The following ANKRD31 variants were observed in gnomAD, a reference collection of about 807,000 sequenced individuals.
The protein encoded by ANKRD31 is ankyrin repeat domain 31.
Under a neutral mutation model 186.0 loss-of-function variants are expected in ANKRD31, and 147 were observed. That is an observed-to-expected ratio of 0.79 (90% CI 0.69 to 0.91). The LOEUF is 0.91. ANKRD31 is among the 40% of genes least tolerant of loss of function. ANKRD31 has a pLI of 0.00. For missense variants in ANKRD31, 1,986 were observed against 2,148.8 expected, an observed-to-expected ratio of 0.92 and a Z score of 1.50; for synonymous variants, 673 against 736.4, an observed-to-expected ratio of 0.91 and a Z score of 1.39.
Position 75,116,700 on chromosome 5 carries a change from GA to G in ANKRD31, c.4040-20del, listed in dbSNP as rs1180948694. The G allele has an allele frequency of 7.5e-7, 1 of 1,336,354 alleles. No homozygotes were observed. Among genetic ancestry groups the G allele is most frequent in the Non-Finnish European group, 9.8e-7 (1 of 1,015,452 alleles). The allele number at this position is 1,336,354 out of a possible 1,614,324, so 82.8% of individuals were successfully genotyped here. A position where few individuals can be genotyped will look rare whatever the true frequency, so the allele number is the denominator to read the frequency against. ...ATTTTTTCTTTAAAAAGTAAAATTA[GA>G]AAATATAATAAGAATGTGCAAAAAT... is the stretch of plus-strand genomic sequence containing the variant. On this transcript the variant is annotated intron_variant, in intron 18 of 25. Coordinates refer to ENST00000506364, the MANE Select transcript of ANKRD31 (RefSeq NM_001372053.1).
chr5:75,149,989 C>A (rs1400195746), intron 12 of ANKRD31, among the ~76,000 whole-genome samples: 1 of 151,706 alleles, frequency 6.6e-6, no homozygotes, highest in Non-Finnish European at 1.5e-5. Flanking sequence ...AACTTAATAC[C>A]CAGGTATAAA....
intron 10 of ANKRD31, among the ~76,000 whole-genome samples, chr5:75,173,799 T>C (rs150564148): frequency 0.037 from 5,579 of 152,130 alleles, 330 homozygotes; most frequent in African/African-American, 0.13. Flanking sequence ...AAAATGGCCA[T>C]ACTGCCCAAG....
intron 25 of ANKRD31, among the ~76,000 whole-genome samples, chr5:75,071,426 C>T (rs931590390): frequency 7.9e-5 from 12 of 151,318 alleles, no homozygotes; most frequent in Non-Finnish European, 1.6e-4. Context: ...TATGAAACTG[C>T]CAGCAAAATC....
At chr5:75,177,929 G>T (rs966355069) in intron 10 of ANKRD31, among the ~76,000 whole-genome samples, 1 of 151,984 alleles carries the variant, frequency 6.6e-6, no homozygotes, top group African/African-American at 2.4e-5. Flanking sequence ...ATTAAAAGGC[G>T]CAGACTGGCA....
chr5:75,163,395 A>G (rs965735), intron 11 of ANKRD31, among the ~76,000 whole-genome samples: 77,305 of 152,098 alleles, frequency 0.51, 22,710 homozygotes, highest in African/African-American at 0.82. Flanking sequence ...GGTGTGTCTG[A>G]TCTGAACGTG....
At chr5:75,166,051 T>C (rs1473126377) in intron 11 of ANKRD31, among the ~76,000 whole-genome samples, 1 of 152,230 alleles carries the variant, frequency 6.6e-6, no homozygotes, top group Non-Finnish European at 1.5e-5. Context: ...CAAGTATTTA[T>C]GGGTAAAATA....
intron 14 of ANKRD31, among the ~76,000 whole-genome samples, chr5:75,145,722 A>C (rs1279485289): frequency 6.7e-6 from 1 of 148,938 alleles, no homozygotes. Context: ...CCCAGAACTT[A>C]AAGTATAATA....
chr5:75,075,146 A>C (rs1744530166), intron 25 of ANKRD31, among the ~76,000 whole-genome samples: 1 of 152,200 alleles, frequency 6.6e-6, no homozygotes, highest in African/African-American at 2.4e-5. Flanking sequence ...ACAGTTCTAG[A>C]ATGGAGATGT....
At chr5:75,129,391 T>A (rs868661019) in intron 17 of ANKRD31, among the ~76,000 whole-genome samples, 1 of 152,192 alleles carries the variant, frequency 6.6e-6, no homozygotes, top group Non-Finnish European at 1.5e-5. Flanking sequence ...AGAAGCCACA[T>A]CGGACATTAG....
At chr5:75,169,288 C>G (rs1434098795) in intron 10 of ANKRD31, 167 bp from the exon 11 acceptor site, 1 of 774,936 alleles carries the variant, frequency 1.3e-6, no homozygotes, top group Middle Eastern at 3.2e-4. Flanking sequence ...TTGGTAGGTT[C>G]AATAAACCTG....
At chr5:75,185,431 G>T (rs545274493) in intron 10 of ANKRD31, among the ~76,000 whole-genome samples, 1 of 152,058 alleles carries the variant, frequency 6.6e-6, no homozygotes, top group Non-Finnish European at 1.5e-5. Flanking sequence ...GGTGGCGGGC[G>T]CCTGTAATCC....
At chr5:75,098,758 T>G (rs1284651633) in intron 22 of ANKRD31, among the ~76,000 whole-genome samples, 1 of 152,220 alleles carries the variant, frequency 6.6e-6, no homozygotes, top group Non-Finnish European at 1.5e-5. Context: ...ATAGAAATGC[T>G]TGTGATTTTT....
intron 8 of ANKRD31, 47 bp downstream of exon 8, chr5:75,193,261 TATA>T: frequency 6.7e-7 from 1 of 1,496,416 alleles, no homozygotes; most frequent in Non-Finnish European, 8.9e-7. Context: ...TATAATTATC[TATA>T]ATGTCTATAG....
intron 10 of ANKRD31, among the ~76,000 whole-genome samples, chr5:75,183,976 A>C (rs1307076401): frequency 6.6e-6 from 1 of 152,128 alleles, no homozygotes; most frequent in East Asian, 1.9e-4. Context: ...AAAAATTTTT[A>C]AAAAACAAAG....
chr5:75,131,045 C>T (rs1749759542), intron 17 of ANKRD31, among the ~76,000 whole-genome samples: 1 of 152,224 alleles, frequency 6.6e-6, no homozygotes, highest in African/African-American at 2.4e-5. Flanking sequence ...CCTATCAAGC[C>T]CAGCAGGTAC....
chr5:75,130,215 T>C (rs1035677318), intron 17 of ANKRD31, among the ~76,000 whole-genome samples: 1 of 152,110 alleles, frequency 6.6e-6, no homozygotes, highest in African/African-American at 2.4e-5. Context: ...TCCCAGTGGG[T>C]TCGTGGTCTC....
rs187457064 is a variant in ANKRD31, at chr5:75,180,742, T to C, written c.1564+7751A>G. Among the ~76,000 whole-genome samples, 506 of 152,284 alleles carry C rather than the reference T, an allele frequency of 3.3e-3. 16 individuals carry two copies. Among genetic ancestry groups the C allele is most frequent in the Admixed American group, 0.029 (439 of 15,288 alleles). On this transcript the variant is annotated intron_variant, in intron 10 of 25. Transcript: ENST00000506364. ...TATACAAAAATTAATTCAAGATGGA[T>C]TGAAGACTTACATGTTAGACCTAAA... is the stretch of plus-strand genomic sequence containing the variant.
intron 17 of ANKRD31, among the ~76,000 whole-genome samples, chr5:75,119,705 C>T (rs1166611451): frequency 6.6e-6 from 1 of 152,186 alleles, no homozygotes; most frequent in Non-Finnish European, 1.5e-5. Context: ...ATTTACATTC[C>T]TACCAACAGT....
intron 21 of ANKRD31, among the ~76,000 whole-genome samples, 200 bp downstream of exon 21, chr5:75,107,321 T>A (rs1030717641): frequency 6.6e-6 from 1 of 152,016 alleles, no homozygotes. Flanking sequence ...TTTTTGACTA[T>A]CCCAAGTAAT....
Sources: allele counts gnomAD v4.1 joint callset (sites outside exome capture counted in the v4.1 genomes callset), GRCh38; gene constraint gnomAD v4.1.1; transcripts MANE v1.5; gene names NCBI Gene and HGNC (gene_info 2026-07-23, HGNC 2026-07-21).